The following TLCD3B variants were observed in gnomAD, a reference collection of about 807,000 sequenced individuals.
TLCD3B encodes the protein TLC domain containing 3B.
TLCD3B carries 9 observed loss-of-function variants against 23.0 expected under a neutral mutation model. That is an observed-to-expected ratio of 0.39 (90% confidence interval 0.24 to 0.68). The LOEUF is 0.68. TLCD3B is among the 30% of genes least tolerant of loss of function. The pLI is 0.44. For missense variants in TLCD3B, 307 were observed against 371.8 expected (o/e 0.83, Z 1.43); for synonymous variants, 161 against 161.0 (o/e 1.00, Z 0.00).
At chr16:30,040,147 A>AAAAAAATATATAGATATATATAT in intron 3 of TLCD3B, among the ~76,000 whole-genome samples, 1 of 95,898 alleles carries the variant, frequency 1.0e-5, no homozygotes, top group African/African-American at 4.3e-5. Flanking sequence ...AAAAAAAAAA[A>AAAAAAATATATAGATATATATAT]ATATATATAT....
chr16:30,040,922 G>A (rs1354243102), intron 3 of TLCD3B: 5 of 152,306 alleles, frequency 3.3e-5, no homozygotes, highest in Admixed American at 3.3e-4. Context: ...CAGCCTCCCA[G>A]AATTCTGGGA....
chr16:30,047,752 C>A (rs1019374167), intron 1 of TLCD3B, among the ~76,000 whole-genome samples: 1 of 148,044 alleles, frequency 6.8e-6, no homozygotes, highest in South Asian at 2.2e-4. Flanking sequence ...AGCCACTGTA[C>A]GTGGCCTATA....
intron 1 of TLCD3B, among the ~76,000 whole-genome samples, chr16:30,047,518 T>C (rs1438730847): frequency 6.6e-6 from 1 of 152,030 alleles, no homozygotes; most frequent in Non-Finnish European, 1.5e-5. Flanking sequence ...GACAGGGTTT[T>C]ACCATGTTGG....
At chr16:30,048,166 A>G (rs2071702109) in intron 1 of TLCD3B, among the ~76,000 whole-genome samples, 1 of 149,700 alleles carries the variant, frequency 6.7e-6, no homozygotes, top group African/African-American at 2.5e-5. Flanking sequence ...AAAAACCACC[A>G]CCAACAACAA....
Position 30,048,799 on chromosome 16 carries a change from CTCTG to C in TLCD3B, c.-293-2416_-293-2413del, listed in dbSNP as rs147337576. Among the ~76,000 whole-genome samples the C allele has an allele frequency of 9.4e-3, 1,427 of 151,906 alleles. 15 individuals are homozygous for C. The highest frequency in any genetic ancestry group is 0.032 in the African/African-American group (1,333 of 41,418). On this transcript the variant is annotated intron_variant, in intron 1 of 6. Coordinates refer to the TLCD3B transcript ENST00000561666. ...TTTTTTTTCTTTTTGGGGGCGGAGT[CTCTG>C]TCTGTCACCCAGGCTGGAGTGCAGT... is the stretch of plus-strand genomic sequence containing the variant.
chr16:30,043,411 A>G (rs551419744), intron 2 of TLCD3B, among the ~76,000 whole-genome samples: 3 of 151,638 alleles, frequency 2.0e-5, no homozygotes, highest in Non-Finnish European at 4.4e-5. Context: ...AGTTTTTCCT[A>G]CAGATGGGGG....
chr16:30,040,147 A>AAAAAATATATATATATATAT, intron 3 of TLCD3B, among the ~76,000 whole-genome samples: 1 of 95,896 alleles, frequency 1.0e-5, no homozygotes, highest in African/African-American at 4.3e-5. Context: ...AAAAAAAAAA[A>AAAAAATATATATATATATAT]ATATATATAT....
At chr16:30,027,713 A>G in intron 2 of TLCD3B, 1 of 452,670 alleles carries the variant, frequency 2.2e-6, no homozygotes, top group Non-Finnish European at 4.5e-6. Context: ...TAGACAAGAC[A>G]GCATTTTTCT....
chr16:30,037,913 T>C (rs950446603), intron 3 of TLCD3B, among the ~76,000 whole-genome samples: 4 of 152,174 alleles, frequency 2.6e-5, no homozygotes, highest in Non-Finnish European at 5.9e-5. Flanking sequence ...AAACACACTG[T>C]ATGGCTCTGT....
chr16:30,043,438 A>T (rs2071609719), intron 2 of TLCD3B, among the ~76,000 whole-genome samples: 1 of 151,996 alleles, frequency 6.6e-6, no homozygotes, highest in South Asian at 2.1e-4. Flanking sequence ...TTTGTTGCCC[A>T]GGTTGGTCTC....
upstream of TLCD3B, chr16:30,033,586 C>T (rs1438953931): frequency 1.3e-5 from 2 of 152,206 alleles, no homozygotes; most frequent in Non-Finnish European, 2.9e-5. Flanking sequence ...ATCCGGCCCA[C>T]AGACATGTTT....
intron 1 of TLCD3B, among the ~76,000 whole-genome samples, chr16:30,051,521 C>CAAAAAAA (rs199594296): frequency 1.6e-5 from 1 of 62,840 alleles, no homozygotes; most frequent in Non-Finnish European, 3.8e-5. Flanking sequence ...AACTCCGTTT[C>CAAAAAAA]AAAAAAAAAA....
rs902785866 is a variant in TLCD3B, at chr16:30,024,514, G to C, written c.*669C>G. The C allele has an allele frequency of 1.4e-5, 7 of 511,936 alleles. No individual in the cohort carries two copies. Among genetic ancestry groups the C allele is most frequent in the African/African-American group, 7.7e-5 (4 of 52,274 alleles). 31.7% of individuals were successfully genotyped at this position (511,936 alleles called of 1,614,324 possible). Reference sequence around the variant, plus strand: ...CCCAGATTGGAGGAAGCCTTGAGAGGTCAGTAGCACCAGGGACATGGCAGG... The same window carrying C: ...CCCAGATTGGAGGAAGCCTTGAGAGCTCAGTAGCACCAGGGACATGGCAGG... On this transcript the variant is annotated 3_prime_UTR_variant, in exon 5 of 5. Coordinates refer to ENST00000380495, the MANE Select transcript of TLCD3B (RefSeq NM_031478.6).
Position 30,029,578 on chromosome 16 carries a change from C to A in TLCD3B, c.126-63G>T. On this transcript the variant is annotated intron_variant, in intron 1 of 4. Transcript: ENST00000380495. The surrounding 1 kb of genome is among the most constrained non-coding windows in gnomAD (Gnocchi z 4.6). ...GGAAGAGGCGTGTGCCTTGATTTCT[C>A]CTCGTTGCTAGTCTAACGACTGCGC... is the stretch of plus-strand genomic sequence containing the variant. The A allele has an allele frequency of 7.3e-7, 1 of 1,377,180 alleles. No individual in the cohort carries two copies. The highest frequency in any genetic ancestry group is 1.2e-5 in the South Asian group (1 of 83,754). The allele number at this position is 1,377,180 out of a possible 1,614,324, so 85.3% of individuals were successfully genotyped here. A position where few individuals can be genotyped will look rare whatever the true frequency, so the allele number is the denominator to read the frequency against.
intron 3 of TLCD3B, among the ~76,000 whole-genome samples, chr16:30,037,316 G>A (rs1216546075): frequency 6.6e-6 from 1 of 151,684 alleles, no homozygotes; most frequent in African/African-American, 2.4e-5. Flanking sequence ...GCCGAGGCGG[G>A]CAGATCACGG....
chr16:30,039,863 G>A (rs531970412), intron 3 of TLCD3B, among the ~76,000 whole-genome samples: 1 of 152,002 alleles, frequency 6.6e-6, no homozygotes, highest in East Asian at 2.0e-4. Flanking sequence ...GCCAGGCATG[G>A]TGGCTCACGC....
intron 2 of TLCD3B, among the ~76,000 whole-genome samples, chr16:30,044,280 G>T (rs1389469407): frequency 1.3e-5 from 2 of 149,754 alleles, no homozygotes; most frequent in African/African-American, 4.9e-5. Context: ...TTACAGGCAT[G>T]AGCCACAGTG....
chr16:30,028,140 A>G (rs2071229423), intron 2 of TLCD3B, among the ~76,000 whole-genome samples: 1 of 152,202 alleles, frequency 6.6e-6, no homozygotes, highest in Non-Finnish European at 1.5e-5. Context: ...TCAGGGCAGG[A>G]AGCTGCCCAG....
At chr16:30,034,289 A>G (rs1375901471), upstream of TLCD3B, among the ~76,000 whole-genome samples, 1 of 151,568 alleles carries the variant, frequency 6.6e-6, no homozygotes, top group Non-Finnish European at 1.5e-5. Flanking sequence ...AAAAAAAAGA[A>G]GAGGCCGGGT....
Sources: gnomAD v4.1 joint callset for allele counts (sites outside exome capture counted in the v4.1 genomes callset) on GRCh38, gnomAD v4.1.1 for gene constraint, Gnocchi (gnomAD v3.1) non-coding constraint, MANE v1.5 for transcripts, NCBI Gene and HGNC (gene_info 2026-07-23, HGNC 2026-07-21) for gene names.